KLHL7: variants seen among roughly 807,000 people sequenced by gnomAD.
KLHL7 encodes the protein kelch like family member 7.
Under a neutral mutation model 67.4 loss-of-function variants are expected in KLHL7, and 44 were observed. That is an observed-to-expected ratio of 0.65 (90% CI 0.51 to 0.84). KLHL7 has a LOEUF of 0.84. Ranked by LOEUF, KLHL7 falls within the 40% of genes least tolerant of loss-of-function variation. KLHL7 has a pLI of 0.00. For synonymous variants in KLHL7, 252 were observed against 243.3 expected (o/e 1.04, Z -0.33); for missense variants, 362 against 718.1 (o/e 0.50, Z 5.67).
chr7:23,109,327 T>G (rs911260949), intron 1 of KLHL7, among the ~76,000 whole-genome samples: 1 of 152,240 alleles, frequency 6.6e-6, no homozygotes, highest in African/African-American at 2.4e-5. Context: ...TTACCTGATA[T>G]GTAAAATAGA....
chr7:23,143,026 T>C (rs1784241278), intron 5 of KLHL7, among the ~76,000 whole-genome samples: 1 of 152,214 alleles, frequency 6.6e-6, no homozygotes, highest in South Asian at 2.1e-4. Context: ...CTGCAACTTT[T>C]CTATAAATCT....
At chr7:23,144,562 A>G (rs1424355085) in intron 6 of KLHL7, among the ~76,000 whole-genome samples, 1 of 152,152 alleles carries the variant, frequency 6.6e-6, no homozygotes, top group East Asian at 1.9e-4. Context: ...GCCTATTCCA[A>G]TATGAACTGT....
intron 1 of KLHL7, among the ~76,000 whole-genome samples, chr7:23,121,812 A>G (rs1463558503): frequency 6.7e-6 from 1 of 149,874 alleles, no homozygotes; most frequent in African/African-American, 2.5e-5. Flanking sequence ...TCTCCCAAGT[A>G]GCTGGGACTA....
intron 4 of KLHL7, among the ~76,000 whole-genome samples, chr7:23,128,471 A>G (rs994329276): frequency 2.7e-5 from 4 of 150,884 alleles, no homozygotes; most frequent in Non-Finnish European, 4.4e-5. Flanking sequence ...CTTTCGGACT[A>G]AGTTATACTG....
intron 6 of KLHL7, among the ~76,000 whole-genome samples, chr7:23,151,284 G>A (rs535590883): frequency 6.6e-5 from 10 of 150,942 alleles, no homozygotes; most frequent in Non-Finnish European, 1.5e-4. Context: ...TCTTCATATT[G>A]TTGTCTAACA....
chr7:23,116,260 G>T (rs1783083691), intron 1 of KLHL7, among the ~76,000 whole-genome samples: 1 of 152,224 alleles, frequency 6.6e-6, no homozygotes, highest in Non-Finnish European at 1.5e-5. Flanking sequence ...CTCAGCTGGA[G>T]AATGGCCTTT....
intron 4 of KLHL7, among the ~76,000 whole-genome samples, chr7:23,135,747 G>C (rs1321176352): frequency 2.0e-5 from 3 of 152,108 alleles, no homozygotes; most frequent in African/African-American, 7.2e-5. Flanking sequence ...ACTGGCTTCT[G>C]AATGAGTGAC....
intron 7 of KLHL7, among the ~76,000 whole-genome samples, chr7:23,163,295 C>T (rs758432310): frequency 1.3e-5 from 2 of 152,042 alleles, no homozygotes; most frequent in Non-Finnish European, 2.9e-5. Flanking sequence ...CTCAGCCTCC[C>T]GAGTAGCAGG....
At chr7:23,124,557 T>C in intron 2 of KLHL7, 131 bp from the exon 3 acceptor site, 1 of 710,276 alleles carries the variant, frequency 1.4e-6, no homozygotes, top group Non-Finnish European at 2.6e-6. Flanking sequence ...TTGGGCTTGC[T>C]GGGGCATTTT....
At chr7:23,173,127 C>A in intron 10 of KLHL7, 82 bp downstream of exon 10, 2 of 933,926 alleles carry the variant, frequency 2.1e-6, no homozygotes, top group Non-Finnish European at 3.6e-6. Context: ...TTTTAAAAAT[C>A]TAGATAGAAG....
Position 23,141,898 on chromosome 7 carries a change from C to T in KLHL7, c.618+954C>T, listed in dbSNP as rs1034432510. Among the ~76,000 whole-genome samples the T allele has an allele frequency of 4.0e-5, 6 of 151,604 alleles. No individual in the cohort carries two copies. In the East Asian group the frequency reaches 5.8e-4, roughly 15 times the overall value. Reference sequence around the variant, plus strand: ...TTGGCCTCCCAAAGTGCTGGGATTACAGGCGTGAGCCACCGCACCCGGCCT... The same window carrying T: ...TTGGCCTCCCAAAGTGCTGGGATTATAGGCGTGAGCCACCGCACCCGGCCT... On this transcript the variant is annotated intron_variant, in intron 5 of 10. Transcript: ENST00000339077.
chr7:23,168,281 C>A (rs1785060327), intron 9 of KLHL7, among the ~76,000 whole-genome samples: 1 of 152,078 alleles, frequency 6.6e-6, no homozygotes, highest in South Asian at 2.1e-4. Flanking sequence ...GCAATAAATG[C>A]CTATGAATGA....
intron 4 of KLHL7, chr7:23,125,814 G>C: frequency 5.8e-6 from 9 of 1,549,498 alleles, no homozygotes; most frequent in South Asian, 1.2e-5. Flanking sequence ...GCTTTTCACT[G>C]TGTGATGATC....
intron 4 of KLHL7, among the ~76,000 whole-genome samples, chr7:23,128,677 TA>T (rs59242706): frequency 1.8e-4 from 27 of 147,580 alleles, no homozygotes; most frequent in East Asian, 3.9e-4. Context: ...TTTACCACAT[TA>T]AAAAAAAAAG....
At position 23,168,048 on chromosome 7, in the gene KLHL7, A is replaced by G. The variant is rs1374625606; in HGVS notation, c.1379+11A>G. On this transcript the variant is annotated intron_variant, in intron 9 of 10. Coordinates refer to ENST00000339077, the MANE Select transcript of KLHL7 (RefSeq NM_001031710.3). ...TCCTGCCACAGAAACGTATGTATCTATTTAAAATTTATTTTACAGTTAACT... is the reference window on the plus strand; with the variant it reads ...TCCTGCCACAGAAACGTATGTATCTGTTTAAAATTTATTTTACAGTTAACT... The G allele has an allele frequency of 6.2e-7, 1 of 1,609,396 alleles. No individual in the cohort carries two copies. Among genetic ancestry groups the G allele is most frequent in the Non-Finnish European group, 8.5e-7 (1 of 1,175,784 alleles).
chr7:23,105,960 T>C lies in KLHL7; in HGVS notation c.-67T>C, dbSNP rs1782615319. The stretch of plus-strand genomic sequence containing the variant: ...CGTGTTTGGTCGATAGAATCCCCAG[T>C]GTGCCCAGAGAGTGCGACCCCTCGC... On this transcript the variant is annotated 5_prime_UTR_variant, in exon 1 of 11. Transcript: ENST00000339077. 6 of 1,575,830 alleles carry C rather than the reference T, an allele frequency of 3.8e-6. No homozygotes were observed. Among genetic ancestry groups the C allele is most frequent in the Non-Finnish European group, 5.1e-6 (6 of 1,165,262 alleles).
At chr7:23,159,342 T>A (rs1784794253) in intron 7 of KLHL7, among the ~76,000 whole-genome samples, 1 of 151,862 alleles carries the variant, frequency 6.6e-6, no homozygotes, top group South Asian at 2.1e-4. Flanking sequence ...TAAAAAAAAT[T>A]TTTTTGTGTG....
chr7:23,120,396 T>C (rs910445385), intron 1 of KLHL7, among the ~76,000 whole-genome samples: 1 of 151,870 alleles, frequency 6.6e-6, no homozygotes, highest in Non-Finnish European at 1.5e-5. Context: ...TTCTTAAAAA[T>C]TTTTTTTTGT....
At chr7:23,139,725 G>A (rs1317680621) in intron 4 of KLHL7, among the ~76,000 whole-genome samples, 4 of 152,218 alleles carry the variant, frequency 2.6e-5, no homozygotes, top group Non-Finnish European at 5.9e-5. Flanking sequence ...AAGTCAACAT[G>A]ATTAAGGATG....
Sources: allele counts gnomAD v4.1 joint callset (sites outside exome capture counted in the v4.1 genomes callset), GRCh38; gene constraint gnomAD v4.1.1; transcripts MANE v1.5; gene names NCBI Gene and HGNC (gene_info 2026-07-23, HGNC 2026-07-21).